Variants in ZNF141 observed in about 807,000 individuals in gnomAD.
ZNF141 encodes zinc finger protein 141.
ZNF141 carries 7 observed loss-of-function variants against 11.3 expected under a neutral mutation model. The ratio of observed to expected loss-of-function variants is 0.62; its 90% CI spans 0.35 to 1.16. The LOEUF is 1.16. Among genes scored for constraint, ZNF141 ranks in the 50% most tolerant of loss-of-function variants. The probability of loss-of-function intolerance (pLI) is 0.02; values close to 1 mark genes in which losing one functional copy is unlikely to be tolerated. For missense variants in ZNF141, 535 were observed against 554.0 expected (o/e 0.97, Z 0.34); for synonymous variants, 183 against 190.7 (o/e 0.96, Z 0.33).
Position 375,860 on chromosome 4 carries a change from A to T in ZNF141, c.*1998A>T, listed in dbSNP as rs1712339885. Among the ~76,000 whole-genome samples, 1 of 152,052 alleles carries T rather than the reference A, an allele frequency of 6.6e-6. No individual in the cohort carries two copies. The highest frequency in any genetic ancestry group is 2.1e-4 in the South Asian group (1 of 4,830). The stretch of plus-strand genomic sequence containing the variant: ...TTATTTGTGAATTTTTACAAGAAAG[A>T]GTGAGGACAGAAATGAAAGATCCAT... On this transcript the variant is annotated 3_prime_UTR_variant, in exon 4 of 4. Coordinates refer to ENST00000240499, the MANE Select transcript of ZNF141 (RefSeq NM_003441.4).
At chr4:350,052 C>T in intron 3 of ZNF141, 1 of 486,040 alleles carries the variant, frequency 2.1e-6, no homozygotes. Context: ...GCCTCCAGGG[C>T]CATGGCTGGG....
At chr4:369,764 ATTTTTTT>A (rs34509477) in intron 3 of ZNF141, among the ~76,000 whole-genome samples, 12 of 48,724 alleles carry the variant, frequency 2.5e-4, no homozygotes, top group African/African-American at 3.4e-4. Context: ...ATATATATAT[ATTTTTTT>A]TTTTTTTTTT....
intron 3 of ZNF141, among the ~76,000 whole-genome samples, chr4:349,899 T>C (rs191394633): frequency 3.3e-5 from 5 of 152,312 alleles, no homozygotes; most frequent in Non-Finnish European, 5.9e-5. Context: ...TGGGTTTGGC[T>C]TCTACTGACA....
At chr4:349,830 A>T (rs1265878443) in intron 3 of ZNF141, among the ~76,000 whole-genome samples, 1 of 152,218 alleles carries the variant, frequency 6.6e-6, no homozygotes, top group Non-Finnish European at 1.5e-5. Flanking sequence ...TATGGCAGGC[A>T]GTAGACTAGG....
At chr4:346,246 A>G (rs1220147029) in intron 3 of ZNF141, among the ~76,000 whole-genome samples, 1 of 152,250 alleles carries the variant, frequency 6.6e-6, no homozygotes, top group Non-Finnish European at 1.5e-5. Context: ...ATTTCATTTA[A>G]CAATGCAGTT....
In ZNF141 at chr4:384,110, CTTAA is replaced by C. The variant is rs1712801553; in HGVS notation, c.*10249_*10252del. 1 of 152,204 alleles carries C rather than the reference CTTAA, an allele frequency of 6.6e-6. No homozygotes were observed. The highest frequency in any genetic ancestry group is 1.5e-5 in the Non-Finnish European group (1 of 68,056). 9.4% of individuals were successfully genotyped at this position (152,204 alleles called of 1,614,324 possible). A position where few individuals can be genotyped will look rare whatever the true frequency, so the allele number is the denominator to read the frequency against. On this transcript the variant is annotated 3_prime_UTR_variant, in exon 4 of 4. Transcript: ENST00000240499. ...TATATGTGGATGCATGTGATTGGTA[CTTAA>C]ACTCACACAGTGCCCCATACCACAG...
Position 375,516 on chromosome 4 carries a change from A to C in ZNF141, c.*1654A>C, listed in dbSNP as rs1232792731. 2.6e-5 allele frequency among the ~76,000 whole-genome samples: 4 copies of C among 152,120 alleles called. No homozygotes were observed. Among genetic ancestry groups the C allele is most frequent in the African/African-American group, 9.6e-5 (4 of 41,464 alleles). On this transcript the variant is annotated 3_prime_UTR_variant, in exon 4 of 4. Coordinates refer to ENST00000240499, the MANE Select transcript of ZNF141 (RefSeq NM_003441.4). ...AAAAAGAAGAGTATGTAAACATCAG[A>C]GGATTTACAGTAGAAAGAACTAAGG...
At chr4:342,995 A>T (rs782085264) in intron 1 of ZNF141, 24 of 931,664 alleles carry the variant, frequency 2.6e-5, no homozygotes, top group Admixed American at 4.9e-5. Flanking sequence ...TTGCGTGGTT[A>T]AAAAAGTATT....
At chr4:362,697 G>A (rs939522246) in intron 3 of ZNF141, among the ~76,000 whole-genome samples, 1 of 152,112 alleles carries the variant, frequency 6.6e-6, no homozygotes, top group South Asian at 2.1e-4. Context: ...TAGATGTGTG[G>A]TATTATTTCT....
intron 3 of ZNF141, among the ~76,000 whole-genome samples, chr4:356,610 CCAAGGCCTCA>C (rs1256496190): frequency 6.6e-6 from 1 of 152,146 alleles, no homozygotes; most frequent in African/African-American, 2.4e-5. Flanking sequence ...CCGCACCCGA[CCAAGGCCTCA>C]CTTAATTTTA....
chr4:339,480 C>G (rs911280799), intron 1 of ZNF141, among the ~76,000 whole-genome samples: 12 of 140,160 alleles, frequency 8.6e-5, no homozygotes, highest in Non-Finnish European at 1.7e-4. Context: ...AAGTGCATCC[C>G]TCATGTGCTA....
intron 3 of ZNF141, among the ~76,000 whole-genome samples, chr4:344,978 T>C (rs1241803855): frequency 1.3e-5 from 2 of 152,354 alleles, no homozygotes; most frequent in Middle Eastern, 3.4e-3. Context: ...CAGGGAGAGC[T>C]AATGTCCACT....
chr4:356,099 C>T (rs935644700), intron 3 of ZNF141, among the ~76,000 whole-genome samples: 2 of 151,502 alleles, frequency 1.3e-5, no homozygotes, highest in African/African-American at 2.4e-5. Flanking sequence ...GGTGCGGTGG[C>T]GGCTGCCTGT....
At chr4:344,041 C>T in intron 2 of ZNF141, 133 bp downstream of exon 2, 3 of 1,288,928 alleles carry the variant, frequency 2.3e-6, no homozygotes, top group Middle Eastern at 2.0e-4. Flanking sequence ...AATTTGAGTC[C>T]TTCACTCTAG....
chr4:377,580 G>A lies in ZNF141; in HGVS notation c.*3718G>A, dbSNP rs74323885. 9.2e-5 allele frequency among the ~76,000 whole-genome samples: 14 copies of A among 152,052 alleles called. No homozygotes were observed. The highest frequency in any genetic ancestry group is 2.7e-4 in the African/African-American group (11 of 41,482). On this transcript the variant is annotated 3_prime_UTR_variant, in exon 4 of 4. Transcript: ENST00000240499. Reference sequence around the variant, plus strand: ...TTCTCTTCATTCCACGTAATTTCACGTGGACTTTAGGTTAACTGGGGTGTT... The same window carrying A: ...TTCTCTTCATTCCACGTAATTTCACATGGACTTTAGGTTAACTGGGGTGTT...
chr4:352,352 G>T (rs186102965), intron 3 of ZNF141, among the ~76,000 whole-genome samples: 90 of 152,204 alleles, frequency 5.9e-4, no homozygotes, highest in African/African-American at 2.1e-3. Flanking sequence ...ATACCACTGC[G>T]CTCCAGCCTG....
In ZNF141 at chr4:373,183, A is replaced by C. The variant is rs781788582; in HGVS notation, c.746A>C (p.His249Pro). 1.2e-6 allele frequency: 2 copies of C among 1,614,076 alleles called. No homozygotes were observed. The highest frequency in any genetic ancestry group is 8.5e-7 in the Non-Finnish European group (1 of 1,180,006). Residue 249 changes from histidine (H) to proline (P), a missense_variant, in exon 4 of 4, where the codon CAT becomes CCT. Coordinates refer to ENST00000240499, the MANE Select transcript of ZNF141 (RefSeq NM_003441.4). ...SSHFAKHKII[H>P]TGEKPYKCEE... ...CACTTTGCTAAGCATAAAATAATTC[A>C]TACTGGAGAAAAACCCTATAAATGT... is the stretch of plus-strand genomic sequence containing the variant.
At chr4:345,483 C>G (rs1721275680) in intron 3 of ZNF141, among the ~76,000 whole-genome samples, 1 of 152,082 alleles carries the variant, frequency 6.6e-6, no homozygotes, top group African/African-American at 2.4e-5. Flanking sequence ...TACACTAACA[C>G]TAATGATAGC....
rs535713721 is a variant in ZNF141, at chr4:348,562, A to T, written c.226+4132A>T. On this transcript the variant is annotated intron_variant, in intron 3 of 3. Coordinates refer to ENST00000240499, the MANE Select transcript of ZNF141 (RefSeq NM_003441.4). ...ACCCTGTCTCTACTAAAAATATACA[A>T]AAACTAGCTAGGGGTGGTAGTGGGC... Among the ~76,000 whole-genome samples, 19 of 152,132 alleles carry T rather than the reference A, an allele frequency of 1.2e-4. No individual in the cohort carries two copies. The East Asian group carries it at 3.3e-3, about 26-fold the overall frequency.
Sources: gnomAD v4.1 joint callset for allele counts (sites outside exome capture counted in the v4.1 genomes callset) on GRCh38, gnomAD v4.1.1 for gene constraint, MANE v1.5 for transcripts, NCBI Gene and HGNC (gene_info 2026-07-23, HGNC 2026-07-21) for gene names.